The following TMPRSS7 variants were observed in gnomAD, a reference collection of about 807,000 sequenced individuals.
The protein encoded by TMPRSS7 is transmembrane serine protease 7.
In TMPRSS7, 81 loss-of-function variants were observed where a neutral mutation model predicts 95.6. The ratio of observed to expected loss-of-function variants is 0.85; its 90% CI spans 0.71 to 1.02. The LOEUF (loss-of-function observed/expected upper bound fraction) is 1.02, where lower values mean the gene tolerates loss of function less well. TMPRSS7 is among the 50% of genes least tolerant of loss of function. TMPRSS7 has a pLI of 0.00. For synonymous variants in TMPRSS7, 364 were observed against 337.8 expected (o/e 1.08, Z -0.85); for missense variants, 945 against 955.2 (o/e 0.99, Z 0.14).
At position 112,074,288 on chromosome 3, in the gene TMPRSS7, A is replaced by G. The variant is rs1041632162; in HGVS notation, c.1667-8A>G. ...AGGAAAGCTGTTTCTTCTTTTGTCCATTGTTAGGTATTCCATGCAACAACA... is the reference window on the plus strand; with the variant it reads ...AGGAAAGCTGTTTCTTCTTTTGTCCGTTGTTAGGTATTCCATGCAACAACA... On this transcript the variant is annotated splice_region_variant and splice_polypyrimidine_tract_variant and intron_variant, in intron 13 of 17. Coordinates refer to ENST00000452346, the Ensembl canonical transcript of TMPRSS7. 3.8e-6 allele frequency: 6 copies of G among 1,597,768 alleles called. No homozygotes were observed. Among genetic ancestry groups the G allele is most frequent in the Non-Finnish European group, 4.3e-6 (5 of 1,166,516 alleles).
At chr3:112,038,898 TG>T in intron 2 of TMPRSS7, among the ~76,000 whole-genome samples, 1 of 151,980 alleles carries the variant, frequency 6.6e-6, no homozygotes, top group East Asian at 1.9e-4. Flanking sequence ...GGGGATAGGA[TG>T]GGAAGAGCTG....
chr3:112,040,255 T>C (rs2073192344), intron 2 of TMPRSS7, among the ~76,000 whole-genome samples: 2 of 152,240 alleles, frequency 1.3e-5, no homozygotes, highest in East Asian at 1.9e-4. Context: ...CACACCACGA[T>C]GCATCTCCTA....
intron 3 of TMPRSS7, chr3:112,042,945 T>C: frequency 4.4e-6 from 2 of 453,118 alleles, no homozygotes; most frequent in Admixed American, 4.7e-5. Context: ...GTTGTCATAG[T>C]GATGAACTTG....
intron 16 of TMPRSS7, 140 bp from the exon 17 acceptor site, chr3:112,078,602 G>A (rs1277581561): frequency 9.1e-7 from 1 of 1,099,658 alleles, no homozygotes; most frequent in Non-Finnish European, 1.3e-6. Flanking sequence ...AGCAAAATGA[G>A]GATAATAGTA....
At chr3:112,062,321 C>T (rs1292330430) in intron 11 of TMPRSS7, among the ~76,000 whole-genome samples, 1 of 152,130 alleles carries the variant, frequency 6.6e-6, no homozygotes, top group Non-Finnish European at 1.5e-5. Context: ...CTCACTTTGG[C>T]CTGTGTTTGC....
exon 18 of TMPRSS7, chr3:112,081,155 G>T: frequency 6.8e-7 from 1 of 1,476,494 alleles, no homozygotes; most frequent in Non-Finnish European, 9.1e-7. Context: ...GTAATTGGCT[G>T]GGTGCGCTGG....
At chr3:112,049,892 T>A in exon 8 of TMPRSS7, 1 of 1,558,896 alleles carries the variant, frequency 6.4e-7, no homozygotes, top group Non-Finnish European at 8.8e-7. Context: ...CTACAAATAA[T>A]CTCATGTTGG....
intron 5 of TMPRSS7, among the ~76,000 whole-genome samples, chr3:112,046,467 C>G (rs1212124544): frequency 1.3e-5 from 2 of 151,992 alleles, no homozygotes; most frequent in Non-Finnish European, 2.9e-5. Flanking sequence ...AGATAAAATA[C>G]ATATATGAAC....
intron 10 of TMPRSS7, among the ~76,000 whole-genome samples, chr3:112,057,625 C>A (rs976289596): frequency 6.6e-6 from 1 of 152,228 alleles, no homozygotes. Flanking sequence ...TGCTCACTCT[C>A]ACTCTTAATT....
rs1207259145 is a variant in TMPRSS7, at chr3:112,066,372, GT to G, written c.1556-15del. The G allele has an allele frequency of 6.2e-7, 1 of 1,611,292 alleles. No homozygotes were observed. Among genetic ancestry groups the G allele is most frequent in the African/African-American group, 1.3e-5 (1 of 74,828 alleles). On this transcript the variant is annotated intron_variant, in intron 12 of 17. Transcript: ENST00000452346. ...GGTGTCTCAGGCTCGTGAACTTTCT[GT>G]TTTTATTTTTTATTCTAGTGAGCCC...
intron 1 of TMPRSS7, 87 bp downstream of exon 1, chr3:112,034,980 A>T: frequency 1.5e-6 from 1 of 670,954 alleles, no homozygotes; most frequent in Non-Finnish European, 2.7e-6. Flanking sequence ...GACCTTATAA[A>T]CATAAAGGAA....
chr3:112,069,556 G>A (rs2073617550), intron 13 of TMPRSS7, among the ~76,000 whole-genome samples: 1 of 152,176 alleles, frequency 6.6e-6, no homozygotes, highest in African/African-American at 2.4e-5. Flanking sequence ...AGTCTTGGGA[G>A]GGTATATGTG....
intron 2 of TMPRSS7, 87 bp from the exon 3 acceptor site, chr3:112,041,833 G>C: frequency 1.2e-6 from 1 of 841,954 alleles, no homozygotes; most frequent in East Asian, 2.7e-5. Flanking sequence ...AATTATTTTA[G>C]GAGCCTCATA....
rs770879414 is a variant in TMPRSS7, at chr3:112,063,537, G to T, written c.1460G>T (p.Gly487Val). ...TTGTTGCCCATAGCCTGCCCTGTTG[G>T]ATCTTTTAGATGCTCCTCCGGTTTA... The change falls in exon 12 of 18, where the codon GGA becomes GTA. Residue 487 changes from glycine to valine, a missense_variant. Gly to Val is a moderately radical substitution (Grantham distance 109). Transcript: ENST00000452346. 6.8e-6 allele frequency: 11 copies of T among 1,613,776 alleles called. No individual in the cohort carries two copies. The Admixed American group carries it at 1.5e-4, about 22-fold the overall frequency.
chr3:112,036,784 C>T (rs1033239940), intron 1 of TMPRSS7, among the ~76,000 whole-genome samples: 1 of 152,144 alleles, frequency 6.6e-6, no homozygotes, highest in Non-Finnish European at 1.5e-5. Flanking sequence ...GAGGGAATTG[C>T]TGAAGCCATG....
chr3:112,070,053 A>G (rs1447888586), intron 13 of TMPRSS7, among the ~76,000 whole-genome samples: 3 of 152,250 alleles, frequency 2.0e-5, no homozygotes, highest in Non-Finnish European at 4.4e-5. Flanking sequence ...GTTTCAAAGA[A>G]CATCTTTATT....
chr3:112,046,209 C>A (rs570132819), intron 5 of TMPRSS7, among the ~76,000 whole-genome samples: 1 of 152,276 alleles, frequency 6.6e-6, no homozygotes, highest in African/African-American at 2.4e-5. Context: ...TTATTCAGGT[C>A]ATGCATCATC....
exon 10 of TMPRSS7, chr3:112,057,126 G>A: frequency 6.2e-7 from 1 of 1,602,440 alleles, no homozygotes; most frequent in Non-Finnish European, 8.5e-7. Context: ...AAATTAATGA[G>A]CACATGTAAG....
chr3:112,050,525 A>AAG (rs1553763195), intron 8 of TMPRSS7, 146 bp from the exon 9 acceptor site: 1 of 341,432 alleles, frequency 2.9e-6, no homozygotes, highest in Admixed American at 4.0e-5. Flanking sequence ...TTCTTCTGAA[A>AAG]AAAAAAAAAA....
Sources: allele counts gnomAD v4.1 joint callset (sites outside exome capture counted in the v4.1 genomes callset), GRCh38; gene constraint gnomAD v4.1.1; transcripts MANE v1.5; gene names NCBI Gene and HGNC (gene_info 2026-07-23, HGNC 2026-07-21).